Variants in UGT1A10 observed in about 807,000 individuals in gnomAD.
UGT1A10 encodes the protein UDP-glucuronosyltransferase 1A10.
In UGT1A10, 49 loss-of-function variants were observed where a neutral mutation model predicts 45.8. The ratio of observed to expected loss-of-function variants is 1.07; its 90% CI spans 0.85 to 1.36. The LOEUF (loss-of-function observed/expected upper bound fraction) is 1.36. Ranked by LOEUF, UGT1A10 falls within the 40% of genes most tolerant of loss-of-function variation. The pLI, the probability that UGT1A10 is intolerant of heterozygous loss-of-function variation, is 0.00. For synonymous variants in UGT1A10, 284 were observed against 249.7 expected (o/e 1.14, Z -1.29); for missense variants, 745 against 668.6 (o/e 1.11, Z -1.26).
intron 1 of UGT1A10, among the ~76,000 whole-genome samples, chr2:233,674,584 G>C (rs915751411): frequency 1.3e-5 from 2 of 151,902 alleles, no homozygotes; most frequent in Non-Finnish European, 1.5e-5. Context: ...CTATGATAGA[G>C]GGTTATCTAT....
At chr2:233,696,698 A>G (rs1376211122) in intron 1 of UGT1A10, among the ~76,000 whole-genome samples, 4 of 152,138 alleles carry the variant, frequency 2.6e-5, no homozygotes, top group Non-Finnish European at 5.9e-5. Context: ...TCTTTGTCTT[A>G]TTCCAGATTT....
chr2:233,640,571 C>T (rs1028986905), intron 1 of UGT1A10, among the ~76,000 whole-genome samples: 8 of 152,146 alleles, frequency 5.3e-5, no homozygotes, highest in African/African-American at 1.4e-4. Context: ...TAAACCCATA[C>T]ATCCTTGGTC....
At chr2:233,730,738 C>A (rs998277069) in intron 1 of UGT1A10, among the ~76,000 whole-genome samples, 1 of 152,038 alleles carries the variant, frequency 6.6e-6, no homozygotes, top group Non-Finnish European at 1.5e-5. Flanking sequence ...GCGGAAGGGG[C>A]TAGGGAGGAG....
intron 1 of UGT1A10, among the ~76,000 whole-genome samples, chr2:233,706,104 C>A (rs1265794764): frequency 2.6e-5 from 4 of 151,128 alleles, no homozygotes; most frequent in African/African-American, 9.7e-5. Context: ...TAAAAAAAAA[C>A]CAAGAATTTC....
chr2:233,682,099 G>A lies in UGT1A10; in HGVS notation c.855+44722G>A, dbSNP rs565225309. 5.0e-6 allele frequency: 8 copies of A among 1,614,208 alleles called. No homozygotes were observed. In the Admixed American group the frequency reaches 8.3e-5, roughly 17 times the overall value. ...AGAAACTCATCCTCAGGGGGCATGA[G>A]GTGGTCGTAGTCATGCCAGAGGTGA... On this transcript the variant is annotated intron_variant, in intron 1 of 4. Coordinates refer to ENST00000344644, the MANE Select transcript of UGT1A10 (RefSeq NM_019075.4).
At chr2:233,748,029 A>G in intron 1 of UGT1A10, 5 of 1,613,446 alleles carry the variant, frequency 3.1e-6, no homozygotes, top group East Asian at 2.2e-5. Context: ...CATGCCCAAC[A>G]TGGTCTTCAT....
chr2:233,731,298 T>A (rs909820502), intron 1 of UGT1A10, among the ~76,000 whole-genome samples: 4 of 149,198 alleles, frequency 2.7e-5, no homozygotes, highest in Non-Finnish European at 4.5e-5. Flanking sequence ...TTTTTTTTTT[T>A]ATTATACTTT....
At chr2:233,649,170 G>T in intron 1 of UGT1A10, 1 of 441,350 alleles carries the variant, frequency 2.3e-6, no homozygotes, top group South Asian at 4.3e-5. Flanking sequence ...TGCCATCCAC[G>T]TGTTTGTTGG....
chr2:233,726,251 G>A (rs1242406933), intron 1 of UGT1A10, among the ~76,000 whole-genome samples: 1 of 152,170 alleles, frequency 6.6e-6, no homozygotes, highest in African/African-American at 2.4e-5. Flanking sequence ...TGAAAAGCTG[G>A]GTGCAGTGGC....
chr2:233,693,272 C>T lies in UGT1A10; in HGVS notation c.855+55895C>T, dbSNP rs770139285. ...GTATGACCAAGAAGAGCTGAAGAAC[C>T]GTTACCAATCATTTGGAAACAATCA... On this transcript the variant is annotated intron_variant, in intron 1 of 4. Transcript: ENST00000344644. The T allele has an allele frequency of 1.1e-4, 170 of 1,614,052 alleles. No individual in the cohort carries two copies. The South Asian group carries it at 1.7e-3, about 16-fold the overall frequency.
At chr2:233,770,790 G>GAT (rs1474818165) in intron 4 of UGT1A10, 3 of 152,110 alleles carry the variant, frequency 2.0e-5, no homozygotes, top group African/African-American at 7.2e-5. Context: ...TAACATTATA[G>GAT]ATATGTTTAA....
In UGT1A10 at chr2:233,769,823, C is replaced by A. The variant is rs1252116472; in HGVS notation, c.1295+1384C>A. The A allele has an allele frequency of 4.0e-5, 32 of 804,912 alleles. No homozygotes were observed. Among genetic ancestry groups the A allele is most frequent in the Non-Finnish European group, 5.3e-5 (30 of 565,272 alleles). 49.9% of individuals were successfully genotyped at this position (804,912 alleles called of 1,614,324 possible). A position where few individuals can be genotyped will look rare whatever the true frequency, so the allele number is the denominator to read the frequency against. On this transcript the variant is annotated intron_variant, in intron 4 of 4. Transcript: ENST00000344644. The surrounding 1 kb of genome is among the most constrained non-coding windows in gnomAD (Gnocchi z 4.4). ...TGAGCCGTGATCATGCCACTGCACT[C>A]CAGCAACCTGGGCAACAGAGTGAGA...
intron 1 of UGT1A10, chr2:233,747,247 C>A: frequency 6.2e-7 from 1 of 1,601,894 alleles, no homozygotes; most frequent in Non-Finnish European, 8.5e-7. Flanking sequence ...CCTGCTGTGG[C>A]TGGCCACAGG....
At chr2:233,765,423 G>T (rs181881481) in intron 1 of UGT1A10, among the ~76,000 whole-genome samples, 1 of 152,168 alleles carries the variant, frequency 6.6e-6, no homozygotes, top group South Asian at 2.1e-4. Context: ...ATACTATGCA[G>T]CCATAACAAG....
At chr2:233,683,989 G>T (rs4433994) in intron 1 of UGT1A10, among the ~76,000 whole-genome samples, 103,718 of 152,064 alleles carry the variant, frequency 0.68, 36,584 homozygotes, top group African/African-American at 0.86. Flanking sequence ...TGAAAAAGTC[G>T]TGACAAATAC....
At position 233,769,903 on chromosome 2, in the gene UGT1A10, G is replaced by C. The variant is rs1699979126; in HGVS notation, c.1295+1464G>C. On this transcript the variant is annotated intron_variant, in intron 4 of 4. Transcript: ENST00000344644. The surrounding 1 kb of genome is among the most constrained non-coding windows in gnomAD (Gnocchi z 4.4). ...AAAGTCCACATAACCTGAGCATCATGTGCCCAGAGCGTTGGGTGGTGTGGT... is the reference window on the plus strand; with the variant it reads ...AAAGTCCACATAACCTGAGCATCATCTGCCCAGAGCGTTGGGTGGTGTGGT... 1 of 333,056 alleles carries C rather than the reference G, an allele frequency of 3.0e-6. No individual in the cohort carries two copies. The highest frequency in any genetic ancestry group is 6.0e-5 in the East Asian group (1 of 16,780). 20.6% of individuals were successfully genotyped at this position (333,056 alleles called of 1,614,324 possible).
At chr2:233,749,453 C>T (rs1313864160) in intron 1 of UGT1A10, among the ~76,000 whole-genome samples, 3 of 151,804 alleles carry the variant, frequency 2.0e-5, no homozygotes, top group Non-Finnish European at 2.9e-5. Flanking sequence ...TGGAGCAGAA[C>T]GAATTGGGAA....
intron 4 of UGT1A10, 111 bp from the exon 5 acceptor site, chr2:233,772,151 C>T (rs1700473345): frequency 1.3e-6 from 2 of 1,555,904 alleles, no homozygotes; most frequent in Non-Finnish European, 8.7e-7. Context: ...AACAGGTTTC[C>T]TTTCCCAAGT....
intron 1 of UGT1A10, among the ~76,000 whole-genome samples, chr2:233,721,360 G>T (rs1478965669): frequency 6.6e-6 from 1 of 152,144 alleles, no homozygotes; most frequent in Non-Finnish European, 1.5e-5. Context: ...AGACTGAACT[G>T]CACTGGCTCA....
Sources: gnomAD v4.1 joint callset for allele counts (sites outside exome capture counted in the v4.1 genomes callset) on GRCh38, gnomAD v4.1.1 for gene constraint, Gnocchi (gnomAD v3.1) non-coding constraint, MANE v1.5 for transcripts, NCBI Gene and HGNC (gene_info 2026-07-23, HGNC 2026-07-21) for gene names.